ANK3: variants seen among roughly 807,000 people sequenced by gnomAD.
The protein encoded by ANK3 is ankyrin-3.
A neutral mutation model predicts 370.9 loss-of-function variants in ANK3; 57 were observed. The observed-to-expected ratio is 0.15, with a 90% CI of 0.12 to 0.19. The LOEUF (loss-of-function observed/expected upper bound fraction) is 0.19. Ranked by LOEUF, ANK3 falls within the 10% of genes least tolerant of loss-of-function variation. The pLI is 1.00. For synonymous variants in ANK3, 1,929 were observed against 1,946.3 expected, an observed-to-expected ratio of 0.99 and a Z score of 0.23; for missense variants, 4,439 against 5,302.1, an observed-to-expected ratio of 0.84 and a Z score of 5.06.
intron 1 of ANK3, among the ~76,000 whole-genome samples, chr10:60,624,042 G>C (rs370890155): frequency 1.3e-5 from 2 of 152,118 alleles, no homozygotes; most frequent in Middle Eastern, 3.4e-3. Flanking sequence ...CAGACACTGA[G>C]GCCTACTTGA....
At chr10:60,050,763 A>T (rs2077790124) in intron 42 of ANK3, 1 of 152,212 alleles carries the variant, frequency 6.6e-6, no homozygotes, top group African/African-American at 2.4e-5. Flanking sequence ...TGAAGGAAAG[A>T]CAGAATATTT....
intron 2 of ANK3, among the ~76,000 whole-genome samples, chr10:60,515,724 T>A (rs537858176): frequency 6.6e-6 from 1 of 152,280 alleles, no homozygotes; most frequent in Non-Finnish European, 1.5e-5. Flanking sequence ...GAGAAATTGT[T>A]ATTTCCTCAT....
intron 2 of ANK3, among the ~76,000 whole-genome samples, chr10:60,607,588 T>C (rs2078145296): frequency 6.6e-6 from 1 of 152,158 alleles, no homozygotes; most frequent in South Asian, 2.1e-4. Context: ...AGCATAGTGC[T>C]CCGGAATCCT....
intron 2 of ANK3, among the ~76,000 whole-genome samples, chr10:60,494,365 A>T (rs948024339): frequency 3.3e-5 from 5 of 152,208 alleles, no homozygotes; most frequent in Non-Finnish European, 7.3e-5. Flanking sequence ...GAGATACATT[A>T]TCTGACCTAT....
intron 1 of ANK3, among the ~76,000 whole-genome samples, chr10:60,633,887 C>G (rs570001658): frequency 6.6e-6 from 1 of 152,160 alleles, no homozygotes; most frequent in African/African-American, 2.4e-5. Flanking sequence ...GTTGTTTTTG[C>G]CTAAGAAATA....
chr10:60,184,104 A>C (rs546589833), intron 17 of ANK3, among the ~76,000 whole-genome samples: 2 of 152,212 alleles, frequency 1.3e-5, no homozygotes, highest in Admixed American at 1.3e-4. Context: ...TACTAGTAAG[A>C]AAAAAGAAAG....
chr10:60,176,200 A>C (rs10994237), intron 18 of ANK3, among the ~76,000 whole-genome samples: 1 of 143,968 alleles, frequency 6.9e-6, no homozygotes, highest in South Asian at 2.2e-4. Context: ...AAAAAACAAA[A>C]AAAAACAAAA....
chr10:60,700,451 C>T (rs1429514769), intron 1 of ANK3, among the ~76,000 whole-genome samples: 8 of 152,062 alleles, frequency 5.3e-5, no homozygotes, highest in Non-Finnish European at 7.4e-5. Flanking sequence ...GAAAAAATTT[C>T]CCCCCTGGAA....
At chr10:60,059,262 C>G in intron 41 of ANK3, 78 bp downstream of exon 41, 1 of 1,242,236 alleles carries the variant, frequency 8.1e-7, no homozygotes, top group Non-Finnish European at 1.2e-6. Flanking sequence ...GAAGAAGTCA[C>G]CACTAAAAAG....
intron 2 of ANK3, among the ~76,000 whole-genome samples, chr10:60,491,613 G>A (rs2075507934): frequency 6.6e-6 from 1 of 152,142 alleles, no homozygotes; most frequent in Non-Finnish European, 1.5e-5. Context: ...GATATAGTTG[G>A]GGAACTTAGA....
At chr10:60,060,781 G>A (rs1234131474) in intron 40 of ANK3, 1 of 152,114 alleles carries the variant, frequency 6.6e-6, no homozygotes, top group Non-Finnish European at 1.5e-5. Context: ...TCAGAACCAC[G>A]AATCAAATAA....
At chr10:60,357,389 T>C (rs923665436) in intron 1 of ANK3, among the ~76,000 whole-genome samples, 26 of 152,220 alleles carry the variant, frequency 1.7e-4, no homozygotes, top group African/African-American at 6.3e-4. Flanking sequence ...AGACTCCGCC[T>C]ATCCATCACC....
At chr10:60,146,145 A>G in intron 23 of ANK3, 1 of 1,351,948 alleles carries the variant, frequency 7.4e-7, no homozygotes, top group Non-Finnish European at 9.8e-7. Flanking sequence ...TAAGTCTGCC[A>G]TGTAGATACG....
At chr10:60,702,282 T>C (rs1439073157) in intron 1 of ANK3, among the ~76,000 whole-genome samples, 5 of 146,226 alleles carry the variant, frequency 3.4e-5, no homozygotes, top group Admixed American at 3.4e-4. Context: ...AAAAAAAAAA[T>C]GTGGCCAATT....
intron 2 of ANK3, among the ~76,000 whole-genome samples, chr10:60,447,335 A>T (rs1402453291): frequency 6.6e-6 from 1 of 152,226 alleles, no homozygotes; most frequent in Non-Finnish European, 1.5e-5. Context: ...GGTGTTGAGA[A>T]GGATGGTGAT....
At chr10:60,177,148 T>C (rs562220592) in intron 18 of ANK3, among the ~76,000 whole-genome samples, 1 of 152,202 alleles carries the variant, frequency 6.6e-6, no homozygotes, top group Non-Finnish European at 1.5e-5. Flanking sequence ...CCCTATCATA[T>C]TCTTTCCTGA....
At chr10:60,261,248 A>C (rs921583677) in intron 7 of ANK3, among the ~76,000 whole-genome samples, 1 of 152,214 alleles carries the variant, frequency 6.6e-6, no homozygotes, top group African/African-American at 2.4e-5. Flanking sequence ...GGTCAAGCTG[A>C]ACACCAGTTT....
chr10:60,597,582 C>G (rs976499009), intron 2 of ANK3, among the ~76,000 whole-genome samples: 14 of 152,280 alleles, frequency 9.2e-5, no homozygotes, highest in Admixed American at 6.5e-5. Flanking sequence ...TCACCTCCCC[C>G]AAGGCTTCTT....
Position 60,093,928 on chromosome 10 carries a change from A to G in ANK3, c.3329-5570T>C, listed in dbSNP as rs532871789. The stretch of plus-strand genomic sequence containing the variant: ...CTCTGTGTTGTGTTCATTTTTTTTC[A>G]AAGCTTTTAGCAATTCTTTTGACAC... On this transcript the variant is annotated intron_variant, in intron 28 of 43. Transcript: ENST00000280772. 2.7e-3 allele frequency among the ~76,000 whole-genome samples: 410 copies of G among 152,258 alleles called. 2 individuals carry two copies. Among genetic ancestry groups the G allele is most frequent in the African/African-American group, 9.4e-3 (392 of 41,550 alleles).
Sources: allele counts gnomAD v4.1 joint callset (sites outside exome capture counted in the v4.1 genomes callset), GRCh38; gene constraint gnomAD v4.1.1; transcripts MANE v1.5; gene names NCBI Gene and HGNC (gene_info 2026-07-23, HGNC 2026-07-21).